The following DACH1 variants were observed in gnomAD, a reference collection of about 807,000 sequenced individuals.
The protein encoded by DACH1 is dachshund family transcription factor 1, also known as dachshund homolog 1.
A neutral mutation model predicts 54.2 loss-of-function variants in DACH1; 12 were observed. That is an observed-to-expected ratio of 0.22 (90% confidence interval 0.14 to 0.36). The LOEUF is 0.36. Ranked by LOEUF, DACH1 falls within the 10% of genes least tolerant of loss-of-function variation. The pLI is 1.00. For synonymous variants in DACH1, 386 were observed against 366.2 expected (o/e 1.05, Z -0.62); for missense variants, 805 against 929.8 (o/e 0.87, Z 1.75).
At chr13:71,825,589 G>T (rs1042435844) in intron 1 of DACH1, among the ~76,000 whole-genome samples, 2 of 151,950 alleles carry the variant, frequency 1.3e-5, no homozygotes, top group African/African-American at 2.4e-5. Flanking sequence ...TTCACTTAGC[G>T]CAATGTTTTC....
At chr13:71,542,332 A>G (rs1883188753) in intron 6 of DACH1, among the ~76,000 whole-genome samples, 1 of 152,114 alleles carries the variant, frequency 6.6e-6, no homozygotes, top group South Asian at 2.1e-4. Flanking sequence ...GTTGTACATC[A>G]GGTATAAAAA....
intron 6 of DACH1, among the ~76,000 whole-genome samples, chr13:71,520,429 T>A (rs1881512601): frequency 6.6e-6 from 1 of 150,696 alleles, no homozygotes; most frequent in Admixed American, 6.7e-5. Context: ...TAAACAAGAA[T>A]TAGGGAAGGT....
intron 1 of DACH1, among the ~76,000 whole-genome samples, chr13:71,787,470 C>G (rs1566500158): frequency 6.6e-6 from 1 of 152,122 alleles, no homozygotes; most frequent in Non-Finnish European, 1.5e-5. Flanking sequence ...TTTTCAAAGC[C>G]TAGAATCATG....
chr13:71,609,141 A>G (rs890020653), intron 3 of DACH1, among the ~76,000 whole-genome samples: 2 of 152,092 alleles, frequency 1.3e-5, no homozygotes, highest in African/African-American at 4.8e-5. Flanking sequence ...CTAAACCACC[A>G]ATAAATATGA....
chr13:71,534,828 T>C (rs1882654169), intron 6 of DACH1, among the ~76,000 whole-genome samples: 1 of 151,824 alleles, frequency 6.6e-6, no homozygotes, highest in Admixed American at 6.6e-5. Context: ...AAAAACAAGT[T>C]GAAATTTATC....
chr13:71,615,565 C>T (rs1037686259), intron 3 of DACH1, among the ~76,000 whole-genome samples: 1 of 152,072 alleles, frequency 6.6e-6, no homozygotes, highest in Non-Finnish European at 1.5e-5. Context: ...CCTGTGTGCC[C>T]GTACTTTTTA....
At chr13:71,665,463 A>G (rs955992974) in intron 2 of DACH1, among the ~76,000 whole-genome samples, 2 of 152,052 alleles carry the variant, frequency 1.3e-5, no homozygotes, top group Admixed American at 6.6e-5. Flanking sequence ...TTCAAAATGA[A>G]ACTATTTTAA....
intron 1 of DACH1, among the ~76,000 whole-genome samples, chr13:71,831,977 T>G (rs74099150): frequency 1.3e-5 from 2 of 151,744 alleles, no homozygotes; most frequent in Non-Finnish European, 2.9e-5. Context: ...CTGACCAGAC[T>G]TTTTTTTGAG....
chr13:71,508,011 C>A (rs567602610), intron 6 of DACH1, among the ~76,000 whole-genome samples: 1 of 152,168 alleles, frequency 6.6e-6, no homozygotes, highest in South Asian at 2.1e-4. Context: ...TAAAAGAATG[C>A]TTTTCTGATG....
chr13:71,616,330 G>C (rs1005937096), intron 3 of DACH1, among the ~76,000 whole-genome samples: 1 of 152,230 alleles, frequency 6.6e-6, no homozygotes, highest in Non-Finnish European at 1.5e-5. Flanking sequence ...GGACAGGTAT[G>C]CATGCATCTT....
chr13:71,562,343 G>A (rs1160942768), intron 4 of DACH1, among the ~76,000 whole-genome samples: 1 of 152,028 alleles, frequency 6.6e-6, no homozygotes, highest in Non-Finnish European at 1.5e-5. Context: ...TTAAAATACT[G>A]CAAATATGCA....
chr13:71,557,214 C>T lies in DACH1; in HGVS notation c.1436-56G>A, dbSNP rs765778424. The T allele has an allele frequency of 5.3e-6, 8 of 1,516,492 alleles. No homozygotes were observed. In the East Asian group the frequency reaches 9.5e-5, roughly 18 times the overall value. The allele number at this position is 1,516,492 out of a possible 1,614,324, so 93.9% of individuals were successfully genotyped here. On this transcript the variant is annotated intron_variant, in intron 5 of 10. Coordinates refer to ENST00000613252, the MANE Select transcript of DACH1 (RefSeq NM_080759.6). ...CAAAACACAAAAACACCATAACACA[C>T]AAGGTTCCAATAAGTCAATTAAACT...
intron 1 of DACH1, among the ~76,000 whole-genome samples, chr13:71,799,732 G>A (rs1248588411): frequency 6.6e-6 from 1 of 152,092 alleles, no homozygotes; most frequent in African/African-American, 2.4e-5. Flanking sequence ...TTGAAGCTAT[G>A]AATCTACAAA....
chr13:71,546,541 G>A (rs1263864530), intron 6 of DACH1, among the ~76,000 whole-genome samples: 1 of 151,836 alleles, frequency 6.6e-6, no homozygotes, highest in Non-Finnish European at 1.5e-5. Flanking sequence ...TAAGAATTTA[G>A]AAACATATTG....
At chr13:71,508,522 A>G (rs1315910927) in intron 6 of DACH1, among the ~76,000 whole-genome samples, 1 of 151,936 alleles carries the variant, frequency 6.6e-6, no homozygotes, top group Non-Finnish European at 1.5e-5. Context: ...TCTAGAGTGC[A>G]GTAGCATGAT....
At chr13:71,806,907 G>A (rs959825037) in intron 1 of DACH1, among the ~76,000 whole-genome samples, 2 of 152,032 alleles carry the variant, frequency 1.3e-5, no homozygotes, top group African/African-American at 4.8e-5. Context: ...TTCATCAACC[G>A]ATTATGAATC....
chr13:71,693,422 C>A (rs957363286), intron 1 of DACH1, among the ~76,000 whole-genome samples: 3 of 150,182 alleles, frequency 2.0e-5, no homozygotes, highest in African/African-American at 7.4e-5. Context: ...CCTGCCTCAG[C>A]CTCCCGAGTA....
chr13:71,753,713 G>C (rs1463070244), intron 1 of DACH1, among the ~76,000 whole-genome samples: 1 of 152,118 alleles, frequency 6.6e-6, no homozygotes, highest in African/African-American at 2.4e-5. Context: ...TTGAGTGTGT[G>C]AAATATAATC....
intron 1 of DACH1, among the ~76,000 whole-genome samples, chr13:71,853,051 C>T (rs1873773094): frequency 6.6e-6 from 1 of 152,196 alleles, no homozygotes; most frequent in African/African-American, 2.4e-5. Flanking sequence ...TATGATTAGG[C>T]AATATTTCTG....
Sources: gnomAD v4.1 joint callset for allele counts (sites outside exome capture counted in the v4.1 genomes callset) on GRCh38, gnomAD v4.1.1 for gene constraint, MANE v1.5 for transcripts, NCBI Gene and HGNC (gene_info 2026-07-23, HGNC 2026-07-21) for gene names.